ATP10B: variants seen among roughly 807,000 people sequenced by gnomAD.
The protein encoded by ATP10B is phospholipid-transporting ATPase VB.
A neutral mutation model predicts 141.2 loss-of-function variants in ATP10B; 122 were observed. The observed-to-expected ratio is 0.86, with a 90% CI of 0.75 to 1.00. ATP10B has a LOEUF of 1.00. ATP10B is among the 50% of genes least tolerant of loss of function. The pLI is 0.00. For synonymous variants in ATP10B, 685 were observed against 692.0 expected (o/e 0.99, Z 0.16); for missense variants, 1,876 against 1,825.3 (o/e 1.03, Z -0.51).
Position 160,785,585 on chromosome 5 carries a change from C to T in ATP10B, c.-357G>A. 1 of 962,008 alleles carries T rather than the reference C, an allele frequency of 1.0e-6. No individual in the cohort carries two copies. Among genetic ancestry groups the T allele is most frequent in the Non-Finnish European group, 1.4e-6 (1 of 690,344 alleles). The allele number at this position is 962,008 out of a possible 1,614,324, so 59.6% of individuals were successfully genotyped here. On this transcript the variant is annotated 5_prime_UTR_variant, in exon 2 of 26. Transcript: ENST00000327245. ...TGATAGGTAGATTTCAAGTCTTGTT[C>T]CTCTTTCTCCTTCCCTCCTTTTTGA...
chr5:160,894,748 TCGC>T, the ATP10B span, among the ~76,000 whole-genome samples: 3 of 152,054 alleles, frequency 2.0e-5, no homozygotes, highest in East Asian at 5.8e-4. Context: ...AGATGCATAA[TCGC>T]CAGATTCACC....
At chr5:160,740,772 A>G (rs145595090) in intron 2 of ATP10B, among the ~76,000 whole-genome samples, 1 of 152,348 alleles carries the variant, frequency 6.6e-6, no homozygotes, top group East Asian at 1.9e-4. Flanking sequence ...TGAAATATCA[A>G]GAGTTCCTGC....
chr5:160,906,107 G>A, the ATP10B span, among the ~76,000 whole-genome samples: 3 of 152,238 alleles, frequency 2.0e-5, no homozygotes, highest in South Asian at 6.2e-4. Context: ...TCAAAAGCTG[G>A]GAAAGATAGG....
rs533786430 is a variant in ATP10B at position 160,669,992 on chromosome 5, C to T, written c.675+471G>A. Among the ~76,000 whole-genome samples the T allele has an allele frequency of 1.4e-4, 21 of 146,110 alleles. No individual in the cohort carries two copies. The South Asian group carries it at 4.6e-3, about 32-fold the overall frequency. On this transcript the variant is annotated intron_variant, in intron 7 of 25. Transcript: ENST00000327245. The stretch of plus-strand genomic sequence containing the variant: ...AGCACTGTTGAGAAGTTAAGGAATA[C>T]ACAAATGGAAACATAGTTAATGATA...
At chr5:160,773,067 G>C (rs1203697708) in intron 2 of ATP10B, among the ~76,000 whole-genome samples, 1 of 84,886 alleles carries the variant, frequency 1.2e-5, no homozygotes, top group Admixed American at 1.5e-4. Context: ...TGTATTTGTT[G>C]TCGTTGTTAA....
intron 9 of ATP10B, among the ~76,000 whole-genome samples, chr5:160,643,709 G>A (rs1338342642): frequency 6.6e-6 from 1 of 152,214 alleles, no homozygotes; most frequent in Admixed American, 6.5e-5. Flanking sequence ...CTTTTCATGT[G>A]CTGAGTAATT....
intron 2 of ATP10B, among the ~76,000 whole-genome samples, chr5:160,764,034 A>G (rs1482390475): frequency 6.6e-6 from 1 of 152,180 alleles, no homozygotes; most frequent in African/African-American, 2.4e-5. Flanking sequence ...GAACAGACCA[A>G]TAACAAGTAG....
At chr5:160,755,151 A>G (rs1485135255) in intron 2 of ATP10B, among the ~76,000 whole-genome samples, 3 of 152,180 alleles carry the variant, frequency 2.0e-5, no homozygotes, top group Admixed American at 1.3e-4. Flanking sequence ...ACTTACAATC[A>G]TGGCAGAAGG....
chr5:160,573,618 T>C (rs1027827676), intron 24 of ATP10B, among the ~76,000 whole-genome samples: 1 of 152,134 alleles, frequency 6.6e-6, no homozygotes, highest in Non-Finnish European at 1.5e-5. Context: ...GAGAACTCTA[T>C]TGTGAACTGT....
intron 1 of ATP10B, among the ~76,000 whole-genome samples, chr5:160,824,878 C>T (rs116052085): frequency 2.8e-3 from 429 of 152,258 alleles, no homozygotes; most frequent in African/African-American, 9.7e-3. Context: ...AGTCCCAATC[C>T]GCCAATTGCT....
chr5:160,594,131 C>A (rs554784640), intron 22 of ATP10B, among the ~76,000 whole-genome samples: 60 of 152,250 alleles, frequency 3.9e-4, no homozygotes, highest in African/African-American at 1.4e-3. Flanking sequence ...TCAAGGGCAG[C>A]CAGAGAGAAA....
Position 160,574,991 on chromosome 5 carries a change from AACTG to A in ATP10B, c.3751-5312_3751-5309del, listed in dbSNP as rs557214798. Among the ~76,000 whole-genome samples, 376 of 152,270 alleles carry A rather than the reference AACTG, an allele frequency of 2.5e-3. 2 individuals are homozygous for A. Among genetic ancestry groups the A allele is most frequent in the Non-Finnish European group, 2.8e-3 (193 of 68,034 alleles). On this transcript the variant is annotated intron_variant, in intron 24 of 25. Coordinates refer to ENST00000327245, the MANE Select transcript of ATP10B (RefSeq NM_025153.3). ...TCAGGTGTTCTGTTGCAATAGCATA[AACTG>A]ACTAAGACACTTATCTTTTTCTATT...
At chr5:160,736,497 C>T (rs920140230) in intron 2 of ATP10B, among the ~76,000 whole-genome samples, 4 of 152,208 alleles carry the variant, frequency 2.6e-5, no homozygotes, top group Non-Finnish European at 5.9e-5. Context: ...GGCATGGTGG[C>T]TCACGCCTGT....
At chr5:160,894,717 T>A in the ATP10B span, among the ~76,000 whole-genome samples, 1 of 152,000 alleles carries the variant, frequency 6.6e-6, no homozygotes, top group African/African-American at 2.4e-5. Flanking sequence ...ACAAAGATAT[T>A]CCTCGAGAAG....
At chr5:160,886,270 C>T in the ATP10B span, among the ~76,000 whole-genome samples, 1 of 152,046 alleles carries the variant, frequency 6.6e-6, no homozygotes, top group Admixed American at 6.6e-5. Flanking sequence ...TGGATTTCAA[C>T]CTTGGGGTTA....
chr5:160,591,465 G>A (rs1413845874), intron 22 of ATP10B, among the ~76,000 whole-genome samples: 4 of 152,192 alleles, frequency 2.6e-5, no homozygotes, highest in African/African-American at 9.6e-5. Flanking sequence ...TCAGGCCTTA[G>A]TGCCTAGCCA....
intron 11 of ATP10B, 86 bp from the exon 12 acceptor site, chr5:160,634,692 A>C: frequency 1.4e-6 from 2 of 1,450,488 alleles, no homozygotes; most frequent in Non-Finnish European, 1.8e-6. Context: ...AAGGCATTTC[A>C]TAGAAAGTTG....
intron 6 of ATP10B, among the ~76,000 whole-genome samples, chr5:160,673,549 T>C (rs979624959): frequency 7.6e-6 from 1 of 131,718 alleles, no homozygotes; most frequent in Non-Finnish European, 1.7e-5. Context: ...TTTTTTTTTT[T>C]TTGGTACCCA....
At chr5:160,883,573 T>A in the ATP10B span, among the ~76,000 whole-genome samples, 1 of 152,138 alleles carries the variant, frequency 6.6e-6, no homozygotes, top group Non-Finnish European at 1.5e-5. Context: ...GCAGTAATAC[T>A]GTAAACTGAT....
Sources: gnomAD v4.1 joint callset for allele counts (sites outside exome capture counted in the v4.1 genomes callset) on GRCh38, gnomAD v4.1.1 for gene constraint, MANE v1.5 for transcripts, NCBI Gene and HGNC (gene_info 2026-07-23, HGNC 2026-07-21) for gene names.